The following MBNL3 variants were observed in gnomAD, a reference collection of about 807,000 sequenced individuals.
MBNL3 encodes the protein muscleblind like splicing regulator 3, also known as muscleblind-like protein 3.
Under a neutral mutation model 24.5 loss-of-function variants are expected in MBNL3, and 6 were observed. The ratio of observed to expected loss-of-function variants is 0.25; its 90% CI spans 0.13 to 0.48. MBNL3 has a LOEUF of 0.48. Ranked by LOEUF, MBNL3 falls within the 20% of genes least tolerant of loss-of-function variation. MBNL3 has a pLI of 0.99. For synonymous variants in MBNL3, 100 were observed against 101.7 expected (o/e 0.98, Z 0.10); for missense variants, 230 against 293.5 (o/e 0.78, Z 1.58).
At chrX:132,389,463 G>T (rs2032389856) in intron 5 of MBNL3, among the ~76,000 whole-genome samples, 1 of 112,010 alleles carries the variant, frequency 8.9e-6, no homozygotes, top group South Asian at 3.7e-4. Context: ...TTTCAACTCG[G>T]TATGAGGAAA....
chrX:132,373,119 A>G lies in MBNL3; in HGVS notation c.*6547T>C, dbSNP rs1283947449. 9.2e-6 allele frequency: 1 copy of G among 109,117 alleles called. No individual in the cohort carries two copies. Among genetic ancestry groups the G allele is most frequent in the East Asian group, 2.9e-4 (1 of 3,478 alleles). 9.0% of individuals were successfully genotyped at this position (109,117 alleles called of 1,213,427 possible). ...ATTGAAACACAGCCTCTATGTTGAAACTCCAGAGTATGACCCCGTGGCTGT... is the reference window on the plus strand; with the variant it reads ...ATTGAAACACAGCCTCTATGTTGAAGCTCCAGAGTATGACCCCGTGGCTGT... On this transcript the variant is annotated 3_prime_UTR_variant, in exon 9 of 9. Coordinates refer to ENST00000370853, the MANE Select transcript of MBNL3 (RefSeq NM_001386889.1).
At chrX:132,391,151 A>G in intron 4 of MBNL3, 68 bp from the exon 5 acceptor site, 1 of 802,332 alleles carries the variant, frequency 1.2e-6, no homozygotes, top group Non-Finnish European at 1.9e-6. Flanking sequence ...GCTTTTATTT[A>G]TTTTGCTAGT....
rs200177398 is a variant in MBNL3 at position 132,432,937 on chromosome X, A to G, written c.177+6498T>C. On this transcript the variant is annotated intron_variant, in intron 2 of 8. Coordinates refer to ENST00000370853, the MANE Select transcript of MBNL3 (RefSeq NM_001386889.1). ...ACATTTGCCAGGACTCACAGACTCA[A>G]TAGCAACTTACACTCGCAACTAAAA... is the stretch of plus-strand genomic sequence containing the variant. The G allele has an allele frequency of 2.7e-5, 3 of 112,088 alleles. No individual in the cohort carries two copies. In the East Asian group the frequency reaches 8.3e-4, roughly 31 times the overall value. 9.2% of individuals were successfully genotyped at this position (112,088 alleles called of 1,213,427 possible).
rs1329047952 is a variant in MBNL3 at position 132,371,844 on chromosome X, T to C, written c.*7822A>G. 1.8e-5 allele frequency: 2 copies of C among 111,597 alleles called. No individual in the cohort carries two copies. The highest frequency in any genetic ancestry group is 3.2e-5 in the African/African-American group (1 of 30,788). 9.2% of individuals were successfully genotyped at this position (111,597 alleles called of 1,213,427 possible). A position where few individuals can be genotyped will look rare whatever the true frequency, so the allele number is the denominator to read the frequency against. On this transcript the variant is annotated 3_prime_UTR_variant, in exon 9 of 9. Transcript: ENST00000370853. Reference sequence around the variant, plus strand: ...AAAATACTGATGGTATATTTGGAAATAAATTTACTCTATGTATGAAATATA... The same window carrying C: ...AAAATACTGATGGTATATTTGGAAACAAATTTACTCTATGTATGAAATATA...
At chrX:132,469,907 G>T (rs1947086478) in intron 1 of MBNL3, among the ~76,000 whole-genome samples, 1 of 111,627 alleles carries the variant, frequency 9.0e-6, no homozygotes, top group African/African-American at 3.3e-5. Flanking sequence ...ACACTAATCT[G>T]CTTTCTTGTC....
intron 3 of MBNL3, among the ~76,000 whole-genome samples, chrX:132,401,050 C>T (rs1283651700): frequency 1.8e-5 from 2 of 111,740 alleles, no homozygotes; most frequent in Admixed American, 9.5e-5. Context: ...GCTGCAGAAC[C>T]TTCATTAAAA....
In MBNL3 at chrX:132,372,156, A is replaced by G. The variant is rs1258581082; in HGVS notation, c.*7510T>C. On this transcript the variant is annotated 3_prime_UTR_variant, in exon 9 of 9. Coordinates refer to ENST00000370853, the MANE Select transcript of MBNL3 (RefSeq NM_001386889.1). ...GCGTCTGCAGTTGAGGGAATGAGCTATTGCATTTTGGAGGAAAATTACTAT... is the reference window on the plus strand; with the variant it reads ...GCGTCTGCAGTTGAGGGAATGAGCTGTTGCATTTTGGAGGAAAATTACTAT... 1 of 110,946 alleles carries G rather than the reference A, an allele frequency of 9.0e-6. No homozygotes were observed. The highest frequency in any genetic ancestry group is 2.8e-4 in the East Asian group (1 of 3,566). 9.1% of individuals were successfully genotyped at this position (110,946 alleles called of 1,213,427 possible). A position where few individuals can be genotyped will look rare whatever the true frequency, so the allele number is the denominator to read the frequency against.
intron 1 of MBNL3, among the ~76,000 whole-genome samples, chrX:132,469,465 G>A (rs1238690785): frequency 8.9e-6 from 1 of 112,378 alleles, no homozygotes; most frequent in African/African-American, 3.2e-5. Flanking sequence ...TAAATAGTGG[G>A]ACCAAAAAGG....
chrX:132,423,454 AC>A (rs1218690508), intron 2 of MBNL3, among the ~76,000 whole-genome samples: 3 of 111,242 alleles, frequency 2.7e-5, no homozygotes, highest in Non-Finnish European at 5.7e-5. Flanking sequence ...AAAAAAACAT[AC>A]CTAGAAAAAG....
At chrX:132,479,886 T>C (rs779214633) in intron 1 of MBNL3, among the ~76,000 whole-genome samples, 22 of 110,257 alleles carry the variant, frequency 2.0e-4, no homozygotes, top group East Asian at 1.1e-3. Context: ...GTCAGGGGAG[T>C]TGGGGGTGGG....
chrX:132,394,587 G>T (rs747918792), intron 3 of MBNL3, among the ~76,000 whole-genome samples: 4 of 112,120 alleles, frequency 3.6e-5, no homozygotes, highest in Non-Finnish European at 7.5e-5. Context: ...ACAAAAATGA[G>T]CAGGACCATT....
intron 1 of MBNL3, among the ~76,000 whole-genome samples, chrX:132,451,560 G>C (rs1408352968): frequency 1.8e-5 from 2 of 111,838 alleles, no homozygotes; most frequent in Non-Finnish European, 3.8e-5. Flanking sequence ...AGACTGCTGT[G>C]CCTGCAGCGA....
intron 1 of MBNL3, among the ~76,000 whole-genome samples, chrX:132,453,815 G>T (rs1280311117): frequency 9.0e-6 from 1 of 111,480 alleles, no homozygotes; most frequent in East Asian, 2.8e-4. Flanking sequence ...CATGTGGACG[G>T]GCATGGTGGC....
intron 4 of MBNL3, 142 bp from the exon 5 acceptor site, chrX:132,391,225 G>A (rs371712113): frequency 2.2e-6 from 1 of 455,989 alleles, no homozygotes; most frequent in East Asian, 3.7e-5. Context: ...AAAAGATAAA[G>A]AATAATGTAA....
rs941419252 is a variant in MBNL3, at chrX:132,376,300, A to G, written c.*3366T>C. 8.9e-6 allele frequency: 1 copy of G among 112,148 alleles called. No individual in the cohort carries two copies. The highest frequency in any genetic ancestry group is 1.9e-5 in the Non-Finnish European group (1 of 53,092). 9.2% of individuals were successfully genotyped at this position (112,148 alleles called of 1,213,427 possible). On this transcript the variant is annotated 3_prime_UTR_variant, in exon 9 of 9. Transcript: ENST00000370853. ...ACAGCTGGTTGTGGAATCATGCTTC[A>G]ATTACAAAAGTAAATACTGTATTTA...
At chrX:132,436,496 A>G (rs1945127472) in intron 2 of MBNL3, among the ~76,000 whole-genome samples, 1 of 112,157 alleles carries the variant, frequency 8.9e-6, no homozygotes, top group Admixed American at 9.5e-5. Context: ...AACAACAACA[A>G]AACAAAACAA....
At chrX:132,424,105 T>C (rs1246844408) in intron 2 of MBNL3, among the ~76,000 whole-genome samples, 2 of 111,717 alleles carry the variant, frequency 1.8e-5, no homozygotes, top group African/African-American at 6.5e-5. Flanking sequence ...GGTTAATTGC[T>C]GCAGCTGGGC....
In MBNL3 at chrX:132,376,392, T is replaced by A. The variant is rs999835766; in HGVS notation, c.*3274A>T. ...ATCCCTCTTTAAAATATACGTATGT[T>A]ATGGTCACATAGTACTTTTTTAAAA... On this transcript the variant is annotated 3_prime_UTR_variant, in exon 9 of 9. Transcript: ENST00000370853. 1 of 111,803 alleles carries A rather than the reference T, an allele frequency of 8.9e-6. No homozygotes were observed. The highest frequency in any genetic ancestry group is 1.9e-5 in the Non-Finnish European group (1 of 53,000). The allele number at this position is 111,803 out of a possible 1,213,427, so 9.2% of individuals were successfully genotyped here.
At chrX:132,476,245 T>C (rs987929023) in intron 1 of MBNL3, among the ~76,000 whole-genome samples, 2 of 111,811 alleles carry the variant, frequency 1.8e-5, no homozygotes, top group Non-Finnish European at 1.9e-5. Context: ...TTTTATTTTT[T>C]AAAAAATGTT....
Sources: allele counts gnomAD v4.1 joint callset (sites outside exome capture counted in the v4.1 genomes callset), GRCh38; gene constraint gnomAD v4.1.1; transcripts MANE v1.5; gene names NCBI Gene and HGNC (gene_info 2026-07-23, HGNC 2026-07-21).